RIPK1: variants seen among roughly 807,000 people sequenced by gnomAD.
The protein encoded by RIPK1 is receptor interacting serine/threonine kinase 1.
RIPK1 carries 27 observed loss-of-function variants against 62.4 expected under a neutral mutation model. The ratio of observed to expected loss-of-function variants is 0.43; its 90% confidence interval spans 0.32 to 0.60. The LOEUF (loss-of-function observed/expected upper bound fraction) is 0.60. Among genes scored for constraint, RIPK1 ranks in the 20% least tolerant of loss-of-function variants. The probability of loss-of-function intolerance (pLI) is 0.07; values close to 1 mark genes in which losing one functional copy is unlikely to be tolerated. For missense variants in RIPK1, 735 were observed against 831.0 expected (o/e 0.88, Z 1.42); for synonymous variants, 287 against 303.2 (o/e 0.95, Z 0.55).
At chr6:3,079,225 G>A (rs1429064955) in intron 3 of RIPK1, among the ~76,000 whole-genome samples, 1 of 152,100 alleles carries the variant, frequency 6.6e-6, no homozygotes, top group Admixed American at 6.5e-5. Flanking sequence ...GATTACAGGC[G>A]CCTACCACCA....
chr6:3,113,342 CT>C lies in RIPK1; in HGVS notation c.*4del. 2 of 1,612,198 alleles carry C rather than the reference CT, an allele frequency of 1.2e-6. No individual in the cohort carries two copies. Among genetic ancestry groups the C allele is most frequent in the Non-Finnish European group, 1.7e-6 (2 of 1,178,964 alleles). ...TGATTTACGTCAGCCAGAACTAACC[CT>C]GGATGGGCTACGGCAGCTGAAGTGG... On this transcript the variant is annotated 3_prime_UTR_variant, in exon 11 of 11. Coordinates refer to ENST00000259808, the MANE Select transcript of RIPK1 (RefSeq NM_001354930.2). The surrounding 1 kb of genome is among the most constrained non-coding windows in gnomAD (Gnocchi z 5.0).
chr6:3,094,013 C>CAG (rs1760124162), intron 7 of RIPK1, among the ~76,000 whole-genome samples: 3 of 127,846 alleles, frequency 2.3e-5, no homozygotes, highest in African/African-American at 1.1e-4. Context: ...CTAGTAACTG[C>CAG]AGCGCGCCTA....
chr6:3,081,659 G>A (rs1160742515), intron 4 of RIPK1, among the ~76,000 whole-genome samples: 1 of 151,926 alleles, frequency 6.6e-6, no homozygotes, highest in African/African-American at 2.4e-5. Flanking sequence ...TCGGGAGTTC[G>A]AGACCAGCCT....
At chr6:3,108,683 C>T (rs1362789633) in intron 9 of RIPK1, among the ~76,000 whole-genome samples, 1 of 152,172 alleles carries the variant, frequency 6.6e-6, no homozygotes, top group East Asian at 1.9e-4. Flanking sequence ...GCAAAGAACA[C>T]CTAGACAGCC....
chr6:3,090,095 A>G (rs779145511), intron 7 of RIPK1, among the ~76,000 whole-genome samples: 4 of 152,216 alleles, frequency 2.6e-5, no homozygotes, highest in Non-Finnish European at 2.9e-5. Context: ...GTCACCTGGG[A>G]TGTTGACAGG....
At chr6:3,078,245 G>A (rs1227206780) in intron 3 of RIPK1, among the ~76,000 whole-genome samples, 1 of 152,152 alleles carries the variant, frequency 6.6e-6, no homozygotes, top group African/African-American at 2.4e-5. Flanking sequence ...GGTCACTTCT[G>A]TAATCTCAGC....
chr6:3,107,233 CAG>C (rs1760896036), intron 9 of RIPK1, among the ~76,000 whole-genome samples: 4 of 145,660 alleles, frequency 2.7e-5, no homozygotes, highest in Admixed American at 2.1e-4. Context: ...GCCTGGGCAA[CAG>C]AGTGAGATTG....
intron 10 of RIPK1, among the ~76,000 whole-genome samples, chr6:3,112,296 C>T (rs7739011): frequency 0.8 from 121,057 of 152,034 alleles, 51,656 homozygotes; most frequent in Non-Finnish European, 0.95. Context: ...ACTGTTGGGC[C>T]GGGGTGGTGG....
At chr6:3,094,274 T>C (rs2113655176) in intron 7 of RIPK1, among the ~76,000 whole-genome samples, 1 of 152,316 alleles carries the variant, frequency 6.6e-6, no homozygotes, top group Non-Finnish European at 1.5e-5. Flanking sequence ...TACAGAGCAT[T>C]TTCAAAAACT....
upstream of RIPK1, among the ~76,000 whole-genome samples, chr6:3,066,336 T>G (rs1758379510): frequency 6.6e-6 from 1 of 152,186 alleles, no homozygotes; most frequent in Middle Eastern, 3.4e-3. Context: ...AACATAGAGA[T>G]TTTTTGTGTT....
rs375497021 is a variant in RIPK1, at chr6:3,076,777, CG to C, written c.-39del. ...TTTTCTTTACAGGGTACAGCTCTGC[CG>C]GGGGGGGAAAAAGTGGTACCATTTT... On this transcript the variant is annotated 5_prime_UTR_variant, in exon 2 of 11. Transcript: ENST00000259808. The C allele has an allele frequency of 2.4e-4, 383 of 1,575,254 alleles. No homozygotes were observed. Among genetic ancestry groups the C allele is most frequent in the East Asian group, 7.6e-4 (32 of 42,310 alleles).
In RIPK1 at chr6:3,105,845, G is replaced by C; in HGVS notation, c.1370G>C (p.Ser457Thr). 6.2e-7 allele frequency: 1 copy of C among 1,614,178 alleles called. No homozygotes were observed. The change falls in exon 9 of 11, where the codon AGC becomes ACC. Residue 457 changes from serine (S) to threonine (T), a missense_variant. This residue lies in a region of RIPK1 where 671 missense variants were observed against 726.2 expected (regional missense o/e 0.92). Coordinates refer to ENST00000259808, the MANE Select transcript of RIPK1 (RefSeq NM_001354930.2). This position sits in a 1 kb window ranked among gnomAD's most constrained non-coding sequence, Gnocchi z 4.5. Reference protein sequence around the residue: ...NAVHQPSGLTSQPQVLYQNNG... With the variant: ...NAVHQPSGLTTQPQVLYQNNG... Reference sequence around the variant, plus strand: ...GTGCACCAGCCCTCAGGGCTCACCAGCCAACCTCAAGTACTGTATCAGAAC... The same window carrying C: ...GTGCACCAGCCCTCAGGGCTCACCACCCAACCTCAAGTACTGTATCAGAAC...
At chr6:3,104,172 G>A (rs1760712742) in intron 7 of RIPK1, 53 bp from the exon 8 acceptor site, 3 of 735,810 alleles carry the variant, frequency 4.1e-6, no homozygotes, top group Non-Finnish European at 6.9e-6. Context: ...AAATTTTCTG[G>A]GACTCTATTT....
chr6:3,066,840 C>T (rs9503383), upstream of RIPK1, among the ~76,000 whole-genome samples: 1 of 152,024 alleles, frequency 6.6e-6, no homozygotes, highest in South Asian at 2.1e-4. Context: ...TGTACCCAAC[C>T]CTGTAACGTC....
At chr6:3,066,596 T>C (rs918924974), upstream of RIPK1, among the ~76,000 whole-genome samples, 2 of 152,190 alleles carry the variant, frequency 1.3e-5, no homozygotes, top group Non-Finnish European at 2.9e-5. Flanking sequence ...ACAGCAAAAC[T>C]AAGCAGAAAG....
At chr6:3,095,943 G>A (rs868615341) in intron 7 of RIPK1, among the ~76,000 whole-genome samples, 5 of 150,942 alleles carry the variant, frequency 3.3e-5, no homozygotes, top group African/African-American at 4.9e-5. Flanking sequence ...CTCCCAGGCC[G>A]AAGCAATCCT....
At chr6:3,107,212 A>G (rs1211348035) in intron 9 of RIPK1, among the ~76,000 whole-genome samples, 8 of 150,914 alleles carry the variant, frequency 5.3e-5, no homozygotes, top group African/African-American at 2.0e-4. Context: ...AGATCATGCC[A>G]CTGCACTCCA....
chr6:3,085,514 T>C, intron 6 of RIPK1, 106 bp downstream of exon 6: 3 of 1,203,938 alleles, frequency 2.5e-6, no homozygotes, highest in African/African-American at 1.5e-5. Flanking sequence ...TGAGTTCGAC[T>C]TGACTTGTGG....
chr6:3,098,316 A>C (rs1490216950), intron 7 of RIPK1, among the ~76,000 whole-genome samples: 1 of 152,268 alleles, frequency 6.6e-6, no homozygotes, highest in Non-Finnish European at 1.5e-5. Context: ...CAGTTAAAAC[A>C]GGGATGAAAT....
Sources: gnomAD v4.1 joint callset for allele counts (sites outside exome capture counted in the v4.1 genomes callset) on GRCh38, gnomAD v4.1.1 for gene constraint, gnomAD v4.1.1 regional missense constraint, Gnocchi (gnomAD v3.1) non-coding constraint, MANE v1.5 for transcripts, NCBI Gene and HGNC (gene_info 2026-07-23, HGNC 2026-07-21) for gene names.